COL21A1: variants seen among roughly 807,000 people sequenced by gnomAD.
COL21A1 encodes collagen alpha-1(XXI) chain.
Under a neutral mutation model 137.9 loss-of-function variants are expected in COL21A1, and 149 were observed. The ratio of observed to expected loss-of-function variants is 1.08; its 90% confidence interval spans 0.95 to 1.24. The LOEUF (loss-of-function observed/expected upper bound fraction) is 1.24, where lower values mean the gene tolerates loss of function less well. COL21A1 is among the 50% of genes most tolerant of loss of function. COL21A1 has a pLI of 0.00. For missense variants in COL21A1, 1,167 were observed against 1,158.4 expected, an observed-to-expected ratio of 1.01 and a Z score of -0.11; for synonymous variants, 456 against 391.5, an observed-to-expected ratio of 1.16 and a Z score of -1.95.
At chr6:56,361,281 T>G (rs1270223591) in intron 1 of COL21A1, among the ~76,000 whole-genome samples, 1 of 152,222 alleles carries the variant, frequency 6.6e-6, no homozygotes, top group Non-Finnish European at 1.5e-5. Flanking sequence ...CAGTGGGATG[T>G]CCGTCTCCTG....
At chr6:56,324,595 T>C (rs550623706) in intron 1 of COL21A1, among the ~76,000 whole-genome samples, 2 of 152,106 alleles carry the variant, frequency 1.3e-5, no homozygotes, top group East Asian at 3.9e-4. Context: ...CTGGGAGTAG[T>C]ACCCACCCTG....
chr6:56,389,296 T>G (rs2094024536), intron 1 of COL21A1, among the ~76,000 whole-genome samples: 1 of 151,518 alleles, frequency 6.6e-6, no homozygotes, highest in Non-Finnish European at 1.5e-5. Flanking sequence ...GAGGTGGAGG[T>G]TGCAGTGGGC....
At chr6:56,328,838 C>T (rs1018848603) in intron 1 of COL21A1, among the ~76,000 whole-genome samples, 1 of 152,032 alleles carries the variant, frequency 6.6e-6, no homozygotes, top group African/African-American at 2.4e-5. Context: ...TAATCAAGCT[C>T]ACAGACGGTC....
chr6:56,168,266 C>T lies in COL21A1; in HGVS notation c.1058G>A (p.Arg353His), dbSNP rs1040526013. 14 of 1,546,984 alleles carry T rather than the reference C, an allele frequency of 9.0e-6. No homozygotes were observed. The highest frequency in any genetic ancestry group is 1.4e-5 in the African/African-American group (1 of 73,962). Residue 353 changes from arginine (R) to histidine (H), a missense_variant, in exon 6 of 30, where the codon CGT becomes CAT. Transcript: ENST00000244728. ...CACATCTTGTTCTGTTACTAAGAGACGAATTTGGTGCCAGCCTTCATCAAA... is the reference window on the plus strand; with the variant it reads ...CACATCTTGTTCTGTTACTAAGAGATGAATTTGGTGCCAGCCTTCATCAAA... Reference protein sequence around the residue: ...TLFDEGWHQIRLLVTEQDVTL... With the variant: ...TLFDEGWHQIHLLVTEQDVTL...
At chr6:56,223,691 T>C (rs1781003652) in intron 1 of COL21A1, among the ~76,000 whole-genome samples, 2 of 152,118 alleles carry the variant, frequency 1.3e-5, no homozygotes, top group Admixed American at 1.3e-4. Flanking sequence ...GATATTTGCA[T>C]AATGCATTCA....
chr6:56,120,801 A>T (rs1002696575), intron 16 of COL21A1, among the ~76,000 whole-genome samples: 3 of 14,900 alleles, frequency 2.0e-4, no homozygotes, highest in African/African-American at 6.4e-4. Context: ...TCTCAATTTA[A>T]AAAAAAAAAA....
chr6:56,164,671 A>C (rs1582530108), intron 8 of COL21A1, 143 bp downstream of exon 8: 1 of 850,356 alleles, frequency 1.2e-6, no homozygotes, highest in East Asian at 2.7e-5. Context: ...AAATCACAAA[A>C]ATCTATAAAT....
At chr6:56,081,780 T>A (rs956226876) in intron 17 of COL21A1, among the ~76,000 whole-genome samples, 4 of 151,912 alleles carry the variant, frequency 2.6e-5, no homozygotes, top group Non-Finnish European at 5.9e-5. Flanking sequence ...TGGATGAACT[T>A]ATTCACCCTG....
chr6:56,287,224 T>A (rs918826648), intron 1 of COL21A1, among the ~76,000 whole-genome samples: 8 of 152,194 alleles, frequency 5.3e-5, no homozygotes, highest in Non-Finnish European at 1.0e-4. Context: ...ATCATAGGAT[T>A]GTATTTTTCA....
chr6:56,152,758 AT>A (rs5876490), intron 10 of COL21A1, among the ~76,000 whole-genome samples: 15,577 of 152,014 alleles, frequency 0.1, 970 homozygotes, highest in Middle Eastern at 0.17. Context: ...ATTACCCAGG[AT>A]TTTTTTATCA....
At chr6:56,244,792 G>C (rs987592849) in intron 1 of COL21A1, among the ~76,000 whole-genome samples, 3 of 152,112 alleles carry the variant, frequency 2.0e-5, no homozygotes, top group African/African-American at 7.2e-5. Flanking sequence ...AAATAAAAGA[G>C]AATGGAAATT....
rs1382627905 is a variant in COL21A1 at position 56,141,457 on chromosome 6, TA to T, written c.1542+327del. On this transcript the variant is annotated intron_variant, in intron 12 of 29. Transcript: ENST00000244728. ...GGAGATGGTCCCTTGGGTATTGGAC[TA>T]TCTGAGGTTAACATGGTAACACTTT... is the stretch of plus-strand genomic sequence containing the variant. Among the ~76,000 whole-genome samples the T allele has an allele frequency of 2.0e-5, 3 of 152,278 alleles. No individual in the cohort carries two copies. The East Asian group carries it at 5.8e-4, about 29-fold the overall frequency.
At chr6:56,313,357 T>C (rs1562051379) in intron 1 of COL21A1, among the ~76,000 whole-genome samples, 1 of 152,052 alleles carries the variant, frequency 6.6e-6, no homozygotes, top group African/African-American at 2.4e-5. Flanking sequence ...CTGTAACCTA[T>C]CTCAGCTTGG....
intron 17 of COL21A1, among the ~76,000 whole-genome samples, chr6:56,097,912 T>A (rs867764267): frequency 0.12 from 4,348 of 36,648 alleles, 1,053 homozygotes; most frequent in East Asian, 0.5. Context: ...AATATATAAA[T>A]ATATATAAAT....
intron 1 of COL21A1, among the ~76,000 whole-genome samples, chr6:56,277,585 G>A (rs9370502): frequency 0.99 from 151,149 of 152,348 alleles, 74,987 homozygotes; most frequent in Middle Eastern, 1. Context: ...CCTGTTAAGA[G>A]TGGCACCATA....
At chr6:56,098,596 T>TATATATATAAATATATATAA (rs1360080165) in intron 17 of COL21A1, among the ~76,000 whole-genome samples, 1 of 10,366 alleles carries the variant, frequency 9.6e-5, no homozygotes, top group African/African-American at 5.6e-4. Flanking sequence ...AATATATAAA[T>TATATATATAAATATATATAA]ATATATATAA....
intron 1 of COL21A1, among the ~76,000 whole-genome samples, chr6:56,373,770 T>C (rs2093994241): frequency 6.6e-6 from 1 of 152,206 alleles, no homozygotes; most frequent in Non-Finnish European, 1.5e-5. Flanking sequence ...AAATCTACTG[T>C]CTTAGCAATT....
At chr6:56,390,684 A>G (rs1401789364) in intron 1 of COL21A1, among the ~76,000 whole-genome samples, 1 of 152,182 alleles carries the variant, frequency 6.6e-6, no homozygotes, top group Non-Finnish European at 1.5e-5. Flanking sequence ...AATAGATTTC[A>G]TGACAAAAAC....
At chr6:56,158,861 G>C (rs745786570) in intron 9 of COL21A1, among the ~76,000 whole-genome samples, 1 of 152,122 alleles carries the variant, frequency 6.6e-6, no homozygotes, top group Non-Finnish European at 1.5e-5. Context: ...ACAGAAAGAA[G>C]AGCCGTAAAT....
Sources: gnomAD v4.1 joint callset for allele counts (sites outside exome capture counted in the v4.1 genomes callset) on GRCh38, gnomAD v4.1.1 for gene constraint, MANE v1.5 for transcripts, NCBI Gene and HGNC (gene_info 2026-07-23, HGNC 2026-07-21) for gene names.